ADGRL3: variants seen among roughly 807,000 people sequenced by gnomAD.
The protein encoded by ADGRL3 is adhesion G protein-coupled receptor L3.
A neutral mutation model predicts 153.5 loss-of-function variants in ADGRL3; 62 were observed. The observed-to-expected ratio is 0.40, with a 90% CI of 0.33 to 0.50. The LOEUF is 0.50. Ranked by LOEUF, ADGRL3 falls within the 20% of genes least tolerant of loss-of-function variation. The pLI, the probability that ADGRL3 is intolerant of heterozygous loss-of-function variation, is 0.47. For synonymous variants in ADGRL3, 710 were observed against 672.5 expected (o/e 1.06, Z -0.86); for missense variants, 1,641 against 1,859.4 (o/e 0.88, Z 2.16).
At chr4:61,401,205 A>C (rs138463366) in intron 2 of ADGRL3, among the ~76,000 whole-genome samples, 1 of 151,866 alleles carries the variant, frequency 6.6e-6, no homozygotes, top group Admixed American at 6.6e-5. Flanking sequence ...GTTAATTTGT[A>C]TCACATAAAA....
chr4:61,490,737 G>A (rs1452196569), intron 2 of ADGRL3, among the ~76,000 whole-genome samples: 1 of 151,114 alleles, frequency 6.6e-6, no homozygotes, highest in South Asian at 2.1e-4. Flanking sequence ...CTTACTGTAA[G>A]TGCCTTGGTT....
intron 1 of ADGRL3, among the ~76,000 whole-genome samples, chr4:61,356,099 G>A (rs1225432119): frequency 2.0e-5 from 3 of 152,000 alleles, no homozygotes; most frequent in African/African-American, 4.8e-5. Context: ...CTACACCTTC[G>A]TTTCTTTCAT....
chr4:61,561,642 A>T (rs1334505966), intron 4 of ADGRL3, among the ~76,000 whole-genome samples: 1 of 152,142 alleles, frequency 6.6e-6, no homozygotes, highest in African/African-American at 2.4e-5. Context: ...TAGAGAAAAC[A>T]AATATTTTCT....
In ADGRL3 at chr4:61,200,551, C is replaced by T. The variant is rs559506314; in HGVS notation, c.-1454C>T. Among the ~76,000 whole-genome samples the T allele has an allele frequency of 9.3e-5, 14 of 150,450 alleles. No individual in the cohort carries two copies. The highest frequency in any genetic ancestry group is 1.9e-4 in the Non-Finnish European group (13 of 67,584). Reference sequence around the variant, plus strand: ...TGCTGCTGGTTTTTCTCGGACTGCTCGTTGCCTCCGCTCCGGCAGCTGCTG... The same window carrying T: ...TGCTGCTGGTTTTTCTCGGACTGCTTGTTGCCTCCGCTCCGGCAGCTGCTG... On this transcript the variant is annotated 5_prime_UTR_variant, in exon 1 of 27. Transcript: ENST00000683033.
chr4:61,788,231 A>G (rs1580827229), intron 8 of ADGRL3, among the ~76,000 whole-genome samples: 1 of 152,332 alleles, frequency 6.6e-6, no homozygotes, highest in East Asian at 1.9e-4. Flanking sequence ...AAGCACAACC[A>G]GCATTAGTGA....
At chr4:61,230,668 A>T (rs1444926420) in intron 1 of ADGRL3, among the ~76,000 whole-genome samples, 1 of 152,112 alleles carries the variant, frequency 6.6e-6, no homozygotes, top group Non-Finnish European at 1.5e-5. Context: ...TACAAGTGTG[A>T]GCCACTGTGC....
chr4:61,969,821 A>C (rs1423386248), intron 17 of ADGRL3, among the ~76,000 whole-genome samples: 2 of 152,196 alleles, frequency 1.3e-5, no homozygotes, highest in African/African-American at 4.8e-5. Context: ...GCCATTAAGA[A>C]AAATGGACAA....
At chr4:61,986,252 A>G (rs897739616) in intron 19 of ADGRL3, among the ~76,000 whole-genome samples, 72 of 152,274 alleles carry the variant, frequency 4.7e-4, no homozygotes, top group African/African-American at 1.7e-3. Flanking sequence ...GCTATTTCAA[A>G]TATTGTTGCT....
At chr4:61,834,595 C>T (rs1199216468) in intron 9 of ADGRL3, among the ~76,000 whole-genome samples, 1 of 152,070 alleles carries the variant, frequency 6.6e-6, no homozygotes, top group Admixed American at 6.5e-5. Context: ...TAGGCTATGA[C>T]GATGGGAAAA....
chr4:61,545,318 T>C (rs1311958507), intron 4 of ADGRL3, among the ~76,000 whole-genome samples: 6 of 152,186 alleles, frequency 3.9e-5, no homozygotes. Flanking sequence ...TGGTTAGTAC[T>C]GATGTACGTG....
At chr4:61,903,940 C>A (rs896042912) in intron 11 of ADGRL3, among the ~76,000 whole-genome samples, 1 of 149,484 alleles carries the variant, frequency 6.7e-6, no homozygotes, top group African/African-American at 2.5e-5. Context: ...TTTTTTTTTT[C>A]TTTAATTTTG....
intron 17 of ADGRL3, among the ~76,000 whole-genome samples, chr4:61,969,805 G>T (rs894737940): frequency 6.6e-6 from 1 of 152,122 alleles, no homozygotes; most frequent in African/African-American, 2.4e-5. Flanking sequence ...GAGAAAACTT[G>T]CAGGAGCCAT....
chr4:61,413,985 T>C (rs2097117620), intron 2 of ADGRL3, among the ~76,000 whole-genome samples: 1 of 152,204 alleles, frequency 6.6e-6, no homozygotes, highest in Non-Finnish European at 1.5e-5. Context: ...AATTTCTACA[T>C]ATTTGACAGT....
chr4:61,491,796 A>G (rs1210650452), intron 2 of ADGRL3, among the ~76,000 whole-genome samples: 2 of 152,130 alleles, frequency 1.3e-5, no homozygotes, highest in African/African-American at 4.8e-5. Flanking sequence ...CCTTGATACA[A>G]TTTTATGCCA....
Position 61,550,573 on chromosome 4 carries a change from T to C in ADGRL3, c.259+33055T>C, listed in dbSNP as rs192738903. ...AACCTTTGTGGGTTCATTTTTAAGA[T>C]ACTTTGGTGTGGGGAGTGGTGAATC... On this transcript the variant is annotated intron_variant, in intron 4 of 26. Transcript: ENST00000683033. Among the ~76,000 whole-genome samples, 46 of 152,100 alleles carry C rather than the reference T, an allele frequency of 3.0e-4. 1 individual carries two copies. The highest frequency in any genetic ancestry group is 1.1e-3 in the African/African-American group (46 of 41,530).
At chr4:61,257,979 C>CT (rs1217547449) in intron 1 of ADGRL3, among the ~76,000 whole-genome samples, 1 of 152,092 alleles carries the variant, frequency 6.6e-6, no homozygotes, top group Non-Finnish European at 1.5e-5. Flanking sequence ...GAAGTGGTGT[C>CT]TGAGTACATA....
chr4:62,040,288 T>C (rs1304275453), intron 24 of ADGRL3, among the ~76,000 whole-genome samples: 1 of 152,064 alleles, frequency 6.6e-6, no homozygotes, highest in African/African-American at 2.4e-5. Flanking sequence ...AGTTGTATCA[T>C]ATTTTTCTCC....
At chr4:61,279,104 G>A (rs544689823) in intron 1 of ADGRL3, among the ~76,000 whole-genome samples, 1 of 152,134 alleles carries the variant, frequency 6.6e-6, no homozygotes, top group Non-Finnish European at 1.5e-5. Context: ...GTCTAGACAG[G>A]TTTCAAAAAG....
Position 61,771,504 on chromosome 4 carries a change from A to G in ADGRL3, c.1399+37950A>G, listed in dbSNP as rs561686433. 2.6e-5 allele frequency among the ~76,000 whole-genome samples: 4 copies of G among 152,304 alleles called. No homozygotes were observed. In the South Asian group the frequency reaches 8.3e-4, roughly 32 times the overall value. ...TGATTGTCAGGTTTTGAATGGGACAAACAGTAAATTTTCCTGACACAATTG... is the reference window on the plus strand; with the variant it reads ...TGATTGTCAGGTTTTGAATGGGACAGACAGTAAATTTTCCTGACACAATTG... On this transcript the variant is annotated intron_variant, in intron 8 of 26. Transcript: ENST00000683033.
Sources: gnomAD v4.1 joint callset for allele counts (sites outside exome capture counted in the v4.1 genomes callset) on GRCh38, gnomAD v4.1.1 for gene constraint, MANE v1.5 for transcripts, NCBI Gene and HGNC (gene_info 2026-07-23, HGNC 2026-07-21) for gene names.